SNX29: variants seen among roughly 807,000 people sequenced by gnomAD.
SNX29 encodes sorting nexin 29, also known as sorting nexin-29.
In SNX29, 78 loss-of-function variants were observed where a neutral mutation model predicts 102.1. That is an observed-to-expected ratio of 0.76 (90% CI 0.64 to 0.92). The LOEUF (loss-of-function observed/expected upper bound fraction) is 0.92. SNX29 is among the 40% of genes least tolerant of loss of function. The pLI, the probability that SNX29 is intolerant of heterozygous loss-of-function variation, is 0.00. For missense variants in SNX29, 1,280 were observed against 1,061.7 expected, an observed-to-expected ratio of 1.21 and a Z score of -2.86; for synonymous variants, 580 against 414.5, an observed-to-expected ratio of 1.40 and a Z score of -4.85.
intron 20 of SNX29, among the ~76,000 whole-genome samples, chr16:12,565,758 CTTCACCTTTTTTCATT>C (rs1403152425): frequency 6.6e-6 from 1 of 152,192 alleles, no homozygotes; most frequent in African/African-American, 2.4e-5. Context: ...GGCCTGCCAC[CTTCACCTTTTTTCATT>C]TTCACATCTA....
chr16:12,384,455 G>A (rs978196992), intron 16 of SNX29, among the ~76,000 whole-genome samples: 17 of 152,146 alleles, frequency 1.1e-4, no homozygotes, highest in East Asian at 1.9e-4. Context: ...TTTGATCTGC[G>A]TTTCTGTGAT....
intron 14 of SNX29, among the ~76,000 whole-genome samples, chr16:12,242,021 G>C (rs931482384): frequency 6.6e-6 from 1 of 152,078 alleles, no homozygotes; most frequent in Non-Finnish European, 1.5e-5. Flanking sequence ...GCCCAGCTCT[G>C]AGTGGCCAGG....
chr16:12,521,091 G>C (rs912900533), intron 19 of SNX29, among the ~76,000 whole-genome samples: 1 of 152,032 alleles, frequency 6.6e-6, no homozygotes, highest in Non-Finnish European at 1.5e-5. Flanking sequence ...GAGGTAGGAG[G>C]ACTGCTTGAA....
At chr16:12,082,949 G>A (rs771579235) in intron 11 of SNX29, among the ~76,000 whole-genome samples, 1 of 152,092 alleles carries the variant, frequency 6.6e-6, no homozygotes, top group Non-Finnish European at 1.5e-5. Flanking sequence ...CTGGGTGTCC[G>A]GGGTATTTGC....
chr16:12,450,899 T>C (rs1238673435), intron 18 of SNX29, among the ~76,000 whole-genome samples: 2 of 151,580 alleles, frequency 1.3e-5, no homozygotes, highest in African/African-American at 4.9e-5. Flanking sequence ...CATGAGGAGG[T>C]AGAAGTGCCT....
chr16:12,079,409 A>G (rs2051750458), intron 11 of SNX29, among the ~76,000 whole-genome samples: 1 of 152,214 alleles, frequency 6.6e-6, no homozygotes, highest in Non-Finnish European at 1.5e-5. Context: ...GAATAAACCA[A>G]CTGTTATGTA....
chr16:12,570,269 C>G lies in SNX29; in HGVS notation c.*1640C>G, dbSNP rs767421501. 9.4e-7 allele frequency: 1 copy of G among 1,064,594 alleles called. No homozygotes were observed. Among genetic ancestry groups the G allele is most frequent in the Middle Eastern group, 4.2e-4 (1 of 2,400 alleles). The allele number at this position is 1,064,594 out of a possible 1,614,324, so 65.9% of individuals were successfully genotyped here. A position where few individuals can be genotyped will look rare whatever the true frequency, so the allele number is the denominator to read the frequency against. Reference sequence around the variant, plus strand: ...ATGAGCTGGAGCATGTATGGAGGTGCGGACCCTGCAGTCAGTTTGCGAGTG... The same window carrying G: ...ATGAGCTGGAGCATGTATGGAGGTGGGGACCCTGCAGTCAGTTTGCGAGTG... On this transcript the variant is annotated 3_prime_UTR_variant, in exon 21 of 21. Coordinates refer to ENST00000566228, the MANE Select transcript of SNX29 (RefSeq NM_032167.5).
intron 9 of SNX29, among the ~76,000 whole-genome samples, chr16:12,068,821 C>T (rs555821474): frequency 1.5e-4 from 23 of 152,282 alleles, no homozygotes; most frequent in African/African-American, 4.6e-4. Context: ...AGGAGTGAGC[C>T]GCCATGCCCG....
intron 19 of SNX29, among the ~76,000 whole-genome samples, chr16:12,510,738 C>T (rs749186938): frequency 1.3e-5 from 2 of 152,094 alleles, no homozygotes; most frequent in Non-Finnish European, 2.9e-5. Context: ...CCCCCACCCC[C>T]CAGCTGTCCA....
At chr16:12,334,495 G>A (rs1351820435) in intron 15 of SNX29, among the ~76,000 whole-genome samples, 2 of 152,126 alleles carry the variant, frequency 1.3e-5, no homozygotes, top group Non-Finnish European at 2.9e-5. Context: ...GCATAAAACA[G>A]GGACACAGGG....
chr16:12,512,184 G>A (rs749368346), intron 19 of SNX29, among the ~76,000 whole-genome samples: 33 of 151,116 alleles, frequency 2.2e-4, no homozygotes, highest in Non-Finnish European at 3.7e-4. Flanking sequence ...TGGCCCCTAA[G>A]ATTAAGTTTG....
chr16:12,557,126 C>G (rs9933943), intron 20 of SNX29, among the ~76,000 whole-genome samples: 2,316 of 151,722 alleles, frequency 0.015, 55 homozygotes, highest in African/African-American at 0.052. Flanking sequence ...TGAGATTAGA[C>G]ACAGGAGTCA....
intron 18 of SNX29, among the ~76,000 whole-genome samples, chr16:12,437,081 C>T (rs564064090): frequency 6.6e-6 from 1 of 152,342 alleles, no homozygotes; most frequent in East Asian, 1.9e-4. Flanking sequence ...TGTGTTCCAG[C>T]TTAGAATGAG....
rs531645975 is a variant in SNX29 at position 12,570,806 on chromosome 16, C to G, written c.*2177C>G. ...AACAGTCCCCCATTGCTGAGAGATA[C>G]TAACCCGTGAGAAACAAGTATGCTC... On this transcript the variant is annotated 3_prime_UTR_variant, in exon 21 of 21. Transcript: ENST00000566228. 17 of 232,462 alleles carry G rather than the reference C, an allele frequency of 7.3e-5. No homozygotes were observed. The highest frequency in any genetic ancestry group is 3.1e-4 in the African/African-American group (14 of 45,392). The allele number at this position is 232,462 out of a possible 1,614,324, so 14.4% of individuals were successfully genotyped here.
At chr16:12,219,069 T>C (rs111445228) in intron 14 of SNX29, among the ~76,000 whole-genome samples, 32 of 152,228 alleles carry the variant, frequency 2.1e-4, no homozygotes, top group Non-Finnish European at 2.8e-4. Context: ...CCACCGCGCC[T>C]GGCCCTGTTT....
At chr16:12,474,576 T>C (rs1350901525) in intron 18 of SNX29, among the ~76,000 whole-genome samples, 2 of 152,182 alleles carry the variant, frequency 1.3e-5, no homozygotes, top group East Asian at 3.8e-4. Flanking sequence ...GGCTCTTGCA[T>C]ATACATTATG....
chr16:12,300,977 C>A (rs117709441), intron 15 of SNX29, among the ~76,000 whole-genome samples: 5 of 152,192 alleles, frequency 3.3e-5, no homozygotes, highest in Non-Finnish European at 5.9e-5. Context: ...GCATCTCACA[C>A]TGAATAAGGC....
chr16:12,147,988 A>G (rs972649238), intron 13 of SNX29, among the ~76,000 whole-genome samples: 2 of 152,246 alleles, frequency 1.3e-5, no homozygotes, highest in Non-Finnish European at 2.9e-5. Flanking sequence ...ACAACTGTCA[A>G]GGCTAGTGAC....
chr16:12,155,601 T>A (rs936125611), intron 13 of SNX29, among the ~76,000 whole-genome samples: 4 of 152,130 alleles, frequency 2.6e-5, no homozygotes, highest in African/African-American at 9.7e-5. Flanking sequence ...AGAGGCCGCT[T>A]TTCTATGCTA....
Sources: allele counts gnomAD v4.1 joint callset (sites outside exome capture counted in the v4.1 genomes callset), GRCh38; gene constraint gnomAD v4.1.1; transcripts MANE v1.5; gene names NCBI Gene and HGNC (gene_info 2026-07-23, HGNC 2026-07-21).